Variants in MEOX2 observed in about 807,000 individuals in gnomAD.
MEOX2 encodes the protein homeobox protein MOX-2.
In MEOX2, 11 loss-of-function variants were observed where a neutral mutation model predicts 27.0. That is an observed-to-expected ratio of 0.41 (90% CI 0.26 to 0.68). The LOEUF is 0.68. Among genes scored for constraint, MEOX2 ranks in the 30% least tolerant of loss-of-function variants. MEOX2 has a pLI of 0.33. For synonymous variants in MEOX2, 189 were observed against 155.4 expected, an observed-to-expected ratio of 1.22 and a Z score of -1.61; for missense variants, 436 against 385.4, an observed-to-expected ratio of 1.13 and a Z score of -1.10.
At chr7:15,649,465 T>C (rs1381052744) in intron 1 of MEOX2, among the ~76,000 whole-genome samples, 1 of 151,638 alleles carries the variant, frequency 6.6e-6, no homozygotes, top group African/African-American at 2.4e-5. Flanking sequence ...AATTGAAGAA[T>C]CATGAAGTTT....
At chr7:15,630,858 A>G (rs969604111) in intron 1 of MEOX2, among the ~76,000 whole-genome samples, 4 of 151,750 alleles carry the variant, frequency 2.6e-5, no homozygotes, top group Non-Finnish European at 5.9e-5. Flanking sequence ...CCAACTTGCT[A>G]CTCCAGCTCA....
intron 1 of MEOX2, among the ~76,000 whole-genome samples, chr7:15,669,999 C>A (rs1782070205): frequency 6.6e-6 from 1 of 152,184 alleles, no homozygotes; most frequent in African/African-American, 2.4e-5. Flanking sequence ...CCTCAAGAGG[C>A]CTGGAAGAAT....
At chr7:15,629,431 T>G (rs1243586863) in intron 1 of MEOX2, among the ~76,000 whole-genome samples, 1 of 152,094 alleles carries the variant, frequency 6.6e-6, no homozygotes, top group Non-Finnish European at 1.5e-5. Flanking sequence ...ACTGAATGCT[T>G]GAATACCAAA....
intron 1 of MEOX2, among the ~76,000 whole-genome samples, chr7:15,659,276 G>A (rs1349209450): frequency 2.0e-5 from 3 of 152,126 alleles, no homozygotes; most frequent in Admixed American, 2.0e-4. Context: ...TATGAAAGGT[G>A]TGGAAACCAT....
At chr7:15,632,332 C>T (rs893976707) in intron 1 of MEOX2, among the ~76,000 whole-genome samples, 2 of 151,638 alleles carry the variant, frequency 1.3e-5, no homozygotes, top group African/African-American at 4.8e-5. Flanking sequence ...TCAGTTTTAC[C>T]TTACAGCCTG....
intron 1 of MEOX2, chr7:15,679,725 T>C (rs1389667154): frequency 6.6e-6 from 1 of 151,990 alleles, no homozygotes; most frequent in Non-Finnish European, 1.5e-5. Flanking sequence ...AAAATAACAA[T>C]ATTATCATAC....
chr7:15,622,389 A>G (rs937050279), intron 2 of MEOX2, among the ~76,000 whole-genome samples: 1 of 152,142 alleles, frequency 6.6e-6, no homozygotes, highest in South Asian at 2.1e-4. Flanking sequence ...AAATGAGCCT[A>G]TAAGTCCTGT....
At chr7:15,663,006 G>A (rs889344675) in intron 1 of MEOX2, among the ~76,000 whole-genome samples, 3 of 152,002 alleles carry the variant, frequency 2.0e-5, no homozygotes, top group African/African-American at 4.8e-5. Flanking sequence ...ATAATTCAAG[G>A]ATGTAAGTAG....
At chr7:15,627,252 T>A (rs1178594557) in intron 1 of MEOX2, among the ~76,000 whole-genome samples, 1 of 152,100 alleles carries the variant, frequency 6.6e-6, no homozygotes, top group Non-Finnish European at 1.5e-5. Flanking sequence ...TTCTGTTTCA[T>A]AAGTTGTTGA....
intron 2 of MEOX2, among the ~76,000 whole-genome samples, chr7:15,615,950 C>T (rs925209335): frequency 6.6e-6 from 1 of 151,748 alleles, no homozygotes; most frequent in Non-Finnish European, 1.5e-5. Context: ...CTGTTATGGG[C>T]AATTCTAAAT....
At chr7:15,683,100 T>C (rs1038198187) in intron 1 of MEOX2, among the ~76,000 whole-genome samples, 1 of 151,958 alleles carries the variant, frequency 6.6e-6, no homozygotes, top group African/African-American at 2.4e-5. Context: ...CTAGAGAAGC[T>C]TACGTATTAT....
chr7:15,636,146 C>A (rs1288221871), intron 1 of MEOX2, among the ~76,000 whole-genome samples: 1 of 151,340 alleles, frequency 6.6e-6, no homozygotes, highest in Non-Finnish European at 1.5e-5. Flanking sequence ...TTTAGAAGAC[C>A]AAGATAAGAA....
At chr7:15,685,531 C>A (rs368120113) in intron 1 of MEOX2, among the ~76,000 whole-genome samples, 75 of 152,344 alleles carry the variant, frequency 4.9e-4, no homozygotes, top group Non-Finnish European at 7.6e-4. Context: ...GCCTGCCCAA[C>A]GGACGCTGCA....
chr7:15,684,557 C>T (rs557228270), intron 1 of MEOX2, among the ~76,000 whole-genome samples: 1 of 152,260 alleles, frequency 6.6e-6, no homozygotes, highest in East Asian at 1.9e-4. Flanking sequence ...TATAGTAACG[C>T]TGAAGAACAA....
rs193293675 is a variant in MEOX2 at position 15,618,951 on chromosome 7, T to A, written c.691-6340A>T. ...TAAAAAATTGGAAGTGACAAAGGGATCTGAAGTTCAAAGTCTATTCTAAAC... is the reference window on the plus strand; with the variant it reads ...TAAAAAATTGGAAGTGACAAAGGGAACTGAAGTTCAAAGTCTATTCTAAAC... On this transcript the variant is annotated intron_variant, in intron 2 of 2. Transcript: ENST00000262041. Among the ~76,000 whole-genome samples, 3 of 152,082 alleles carry A rather than the reference T, an allele frequency of 2.0e-5. No homozygotes were observed. The East Asian group carries it at 5.8e-4, about 29-fold the overall frequency.
In MEOX2 at chr7:15,665,985, G is replaced by C. The variant is rs143363167; in HGVS notation, c.517+19901C>G. Reference sequence around the variant, plus strand: ...CCTCAATTTTCTCAAATTTAAGATTGAGAGGGTGGTTTTGATGGATTCTAG... The same window carrying C: ...CCTCAATTTTCTCAAATTTAAGATTCAGAGGGTGGTTTTGATGGATTCTAG... On this transcript the variant is annotated intron_variant, in intron 1 of 2. Transcript: ENST00000262041. 4.2e-3 allele frequency among the ~76,000 whole-genome samples: 640 copies of C among 152,238 alleles called. 9 individuals carry two copies. Among genetic ancestry groups the C allele is most frequent in the Middle Eastern group, 0.034 (10 of 294 alleles).
At chr7:15,632,337 A>T (rs1781417671) in intron 1 of MEOX2, among the ~76,000 whole-genome samples, 1 of 151,822 alleles carries the variant, frequency 6.6e-6, no homozygotes. Flanking sequence ...TTTACCTTAC[A>T]GCCTGTTTAG....
At chr7:15,675,985 T>A (rs982811503) in intron 1 of MEOX2, 3 of 152,216 alleles carry the variant, frequency 2.0e-5, no homozygotes, top group African/African-American at 7.2e-5. Flanking sequence ...TTTGTGATTT[T>A]AATATAATGC....
chr7:15,632,489 A>C (rs1488094476), intron 1 of MEOX2, among the ~76,000 whole-genome samples: 2 of 151,862 alleles, frequency 1.3e-5, no homozygotes, highest in Non-Finnish European at 2.9e-5. Context: ...TCCATGACCT[A>C]AGTACAAATT....
Sources: allele counts gnomAD v4.1 joint callset (sites outside exome capture counted in the v4.1 genomes callset), GRCh38; gene constraint gnomAD v4.1.1; transcripts MANE v1.5; gene names NCBI Gene and HGNC (gene_info 2026-07-23, HGNC 2026-07-21).